Variants in RSAD1 observed in about 807,000 individuals in gnomAD.
RSAD1 encodes the protein radical S-adenosyl methionine domain-containing protein 1, mitochondrial.
A neutral mutation model predicts 46.2 loss-of-function variants in RSAD1; 34 were observed. That is an observed-to-expected ratio of 0.74 (90% CI 0.56 to 0.98). The LOEUF is 0.98. Among genes scored for constraint, RSAD1 ranks in the 50% least tolerant of loss-of-function variants. The pLI is 0.00. For synonymous variants in RSAD1, 260 were observed against 253.5 expected, an observed-to-expected ratio of 1.03 and a Z score of -0.24; for missense variants, 635 against 592.3, an observed-to-expected ratio of 1.07 and a Z score of -0.75.
At chr17:50,483,850 C>T (rs2033417139) in intron 7 of RSAD1, 90 bp downstream of exon 7, 16 of 1,248,424 alleles carry the variant, frequency 1.3e-5, no homozygotes, top group Middle Eastern at 5.0e-4. Context: ...CACACATATA[C>T]CTCCAATTTC....
At chr17:50,479,517 A>G (rs1161550650) in intron 1 of RSAD1, 112 bp from the exon 2 acceptor site, 3 of 1,355,426 alleles carry the variant, frequency 2.2e-6, no homozygotes, top group African/African-American at 3.0e-5. Flanking sequence ...TGTCCTAGCT[A>G]CTGTGGAAAG....
At position 50,479,015 on chromosome 17, in the gene RSAD1, T is replaced by C; in HGVS notation, c.131T>C (p.Val44Ala). Reference protein sequence around the residue: ...EPAGRRAALYVHWPYCEKRCS... With the variant: ...EPAGRRAALYAHWPYCEKRCS... Reference sequence around the variant, plus strand: ...GCGGGCCGGCGCGCGGCGCTTTACGTACACGTGAGTAGGGGCGGGGGCGGA... The same window carrying C: ...GCGGGCCGGCGCGCGGCGCTTTACGCACACGTGAGTAGGGGCGGGGGCGGA... Residue 44 changes from valine (V) to alanine (A), a missense_variant, in exon 1 of 9, where the codon GTA becomes GCA. By Grantham distance (64) the Val-to-Ala change is moderately conservative. Transcript: ENST00000258955. 4.4e-6 allele frequency: 6 copies of C among 1,355,534 alleles called. No homozygotes were observed. The highest frequency in any genetic ancestry group is 5.7e-6 in the Non-Finnish European group (6 of 1,060,872). 84.0% of individuals were successfully genotyped at this position (1,355,534 alleles called of 1,614,324 possible).
Position 50,482,139 on chromosome 17 carries a change from T to C in RSAD1, c.523T>C (p.Cys175Arg), listed in dbSNP as rs778879503. 6.3e-7 allele frequency: 1 copy of C among 1,590,596 alleles called. No individual in the cohort carries two copies. Among genetic ancestry groups the C allele is most frequent in the Non-Finnish European group, 8.6e-7 (1 of 1,165,526 alleles). Residue 175 changes from cysteine to arginine, a missense_variant, in exon 4 of 9, where the codon TGC becomes CGC. Transcript: ENST00000258955. ...LRLLGRTHSACDALRTLAEAR... is the reference protein window; with the variant it reads ...LRLLGRTHSARDALRTLAEAR... ...GCTGTTGGGACGGACGCACTCGGCCTGCGATGCTCTGCGGACGCTGGCAGA... is the reference window on the plus strand; with the variant it reads ...GCTGTTGGGACGGACGCACTCGGCCCGCGATGCTCTGCGGACGCTGGCAGA...
chr17:50,479,989 G>A lies in RSAD1; in HGVS notation c.379G>A (p.Glu127Lys), dbSNP rs1260889273. ...AQAAHLPADLEVTLEANPTSA... is the reference protein window; with the variant it reads ...AQAAHLPADLKVTLEANPTSA... Reference sequence around the variant, plus strand: ...GGCAGCCCACCTGCCTGCAGACTTGGAAGTCACATTGGAGGCTAATCCTAC... The same window carrying A: ...GGCAGCCCACCTGCCTGCAGACTTGAAAGTCACATTGGAGGCTAATCCTAC... Residue 127 changes from glutamate to lysine, a missense_variant, in exon 3 of 9, where the codon GAA (glutamate) becomes AAA (lysine). Glu to Lys is a moderately conservative substitution (Grantham distance 56, BLOSUM62 1). Coordinates refer to ENST00000258955, the MANE Select transcript of RSAD1 (RefSeq NM_018346.3). 6.2e-7 allele frequency: 1 copy of A among 1,614,192 alleles called. No homozygotes were observed.
At position 50,479,995 on chromosome 17, in the gene RSAD1, A is replaced by G; in HGVS notation, c.385A>G (p.Thr129Ala). 1 of 1,614,186 alleles carries G rather than the reference A, an allele frequency of 6.2e-7. No individual in the cohort carries two copies. Among genetic ancestry groups the G allele is most frequent in the African/African-American group, 1.3e-5 (1 of 75,054 alleles). The part of the protein sequence containing the change: ...AAHLPADLEV[T>A]LEANPTSAPG... ...CCACCTGCCTGCAGACTTGGAAGTCACATTGGAGGCTAATCCTACTTCAGC... is the reference window on the plus strand; with the variant it reads ...CCACCTGCCTGCAGACTTGGAAGTCGCATTGGAGGCTAATCCTACTTCAGC... The change falls in exon 3 of 9, where the codon ACA (threonine) becomes GCA (alanine). Residue 129 changes from threonine to alanine, a missense_variant. Physicochemically the swap from Thr to Ala is moderately conservative, Grantham distance 58. Transcript: ENST00000258955.
In RSAD1 at chr17:50,478,892, T is replaced by TC; in HGVS notation, c.12dup (p.Gly5ArgfsTer30). 1 of 1,308,362 alleles carries TC rather than the reference T, an allele frequency of 7.6e-7. No individual in the cohort carries two copies. Among genetic ancestry groups the TC allele is most frequent in the South Asian group, 2.3e-5 (1 of 42,726 alleles). 81.0% of individuals were successfully genotyped at this position (1,308,362 alleles called of 1,614,324 possible). ...CGCGCTGCGCTGGGCGCCATGGCGC[T>TC]CCCCGGAGCCCGGGCTCGCGGCTGG... On this transcript the variant is annotated frameshift_variant, in exon 1 of 9. Transcript: ENST00000258955. LOFTEE classifies it high-confidence loss of function.
rs1567869919 is a variant in RSAD1 at position 50,482,076 on chromosome 17, A to G, written c.475-15A>G. 1.3e-6 allele frequency: 2 copies of G among 1,525,554 alleles called. No homozygotes were observed. The highest frequency in any genetic ancestry group is 8.8e-7 in the Non-Finnish European group (1 of 1,135,090). 94.5% of individuals were successfully genotyped at this position (1,525,554 alleles called of 1,614,324 possible). On this transcript the variant is annotated splice_polypyrimidine_tract_variant and intron_variant, in intron 3 of 8. Coordinates refer to ENST00000258955, the MANE Select transcript of RSAD1 (RefSeq NM_018346.3). ...CTGAGCTGCTGGTATGCTTACACCC[A>G]CCCTCTTTTCCCAGTCCCTAGATGA... is the stretch of plus-strand genomic sequence containing the variant.
intron 7 of RSAD1, 37 bp from the exon 8 acceptor site, chr17:50,484,405 G>T: frequency 6.3e-7 from 1 of 1,595,382 alleles, no homozygotes; most frequent in Non-Finnish European, 8.6e-7. Context: ...AGAGTAGCCA[G>T]GCCAGCTCCC....
At chr17:50,480,141 C>T (rs776572390) in intron 3 of RSAD1, 57 bp downstream of exon 3, 2 of 1,558,424 alleles carry the variant, frequency 1.3e-6, no homozygotes, top group South Asian at 2.2e-5. Context: ...GCCATCTCCT[C>T]TTTGGTCACA....
At position 50,485,203 on chromosome 17, in the gene RSAD1, T is replaced by TA; in HGVS notation, c.*342_*343insA. 6.7e-6 allele frequency: 2 copies of TA among 296,788 alleles called. No individual in the cohort carries two copies. The highest frequency in any genetic ancestry group is 1.3e-5 in the Non-Finnish European group (2 of 157,992). The allele number at this position is 296,788 out of a possible 1,614,324, so 18.4% of individuals were successfully genotyped here. A position where few individuals can be genotyped will look rare whatever the true frequency, so the allele number is the denominator to read the frequency against. The stretch of plus-strand genomic sequence containing the variant: ...GGCAATTACCTCCCCAAGAGAAGCC[T>TA]TCCTTATTTTGGAGTAAGGTCCTAA... On this transcript the variant is annotated 3_prime_UTR_variant, in exon 9 of 9. Transcript: ENST00000258955.
At position 50,485,668 on chromosome 17, in the gene RSAD1, G is replaced by C. The variant is rs1288338839; in HGVS notation, c.*807G>C. ...GATGTATGTTGGTGGATCCATGTATGTGTCCAGCACAGCGGCCTGCTGGAC... is the reference window on the plus strand; with the variant it reads ...GATGTATGTTGGTGGATCCATGTATCTGTCCAGCACAGCGGCCTGCTGGAC... On this transcript the variant is annotated 3_prime_UTR_variant, in exon 9 of 9. Coordinates refer to ENST00000258955, the MANE Select transcript of RSAD1 (RefSeq NM_018346.3). The C allele has an allele frequency of 6.6e-6, 1 of 152,280 alleles. No homozygotes were observed. The highest frequency in any genetic ancestry group is 1.5e-5 in the Non-Finnish European group (1 of 68,080). 9.4% of individuals were successfully genotyped at this position (152,280 alleles called of 1,614,324 possible).
At position 50,485,320 on chromosome 17, in the gene RSAD1, A is replaced by G. The variant is rs2033440146; in HGVS notation, c.*459A>G. Reference sequence around the variant, plus strand: ...TACTATAGGAATGAAGTATTTATAAACCACTGAAAGGGATAGAGAAGTGAA... The same window carrying G: ...TACTATAGGAATGAAGTATTTATAAGCCACTGAAAGGGATAGAGAAGTGAA... On this transcript the variant is annotated 3_prime_UTR_variant, in exon 9 of 9. Transcript: ENST00000258955. The G allele has an allele frequency of 6.3e-6, 1 of 158,310 alleles. No individual in the cohort carries two copies. The highest frequency in any genetic ancestry group is 1.9e-4 in the South Asian group (1 of 5,176). The allele number at this position is 158,310 out of a possible 1,614,324, so 9.8% of individuals were successfully genotyped here.
In RSAD1 at chr17:50,479,624, C is replaced by T. The variant is rs1297455003; in HGVS notation, c.136-5C>T. ...TCACCGCGCACGTGCACTCACTGCC[C>T]CCAGTGGCCTTACTGCGAGAAGCGC... is the stretch of plus-strand genomic sequence containing the variant. On this transcript the variant is annotated splice_polypyrimidine_tract_variant and splice_region_variant and intron_variant, in intron 1 of 8. Coordinates refer to ENST00000258955, the MANE Select transcript of RSAD1 (RefSeq NM_018346.3). 2 of 1,613,488 alleles carry T rather than the reference C, an allele frequency of 1.2e-6. No individual in the cohort carries two copies. The highest frequency in any genetic ancestry group is 1.7e-5 in the Admixed American group (1 of 60,028).
chr17:50,480,176 T>C, intron 3 of RSAD1, 92 bp downstream of exon 3: 4 of 1,362,508 alleles, frequency 2.9e-6, no homozygotes, highest in Non-Finnish European at 3.1e-6. Flanking sequence ...AAACATTGAT[T>C]GAGCACCTTC....
intron 3 of RSAD1, among the ~76,000 whole-genome samples, chr17:50,481,827 C>T (rs574318995): frequency 3.3e-5 from 5 of 152,296 alleles, no homozygotes; most frequent in Non-Finnish European, 2.9e-5. Context: ...TACTTAACAC[C>T]TCTGAACCTC....
chr17:50,482,591 T>TAAAAATGAGCCTC, intron 4 of RSAD1, 52 bp from the exon 5 acceptor site: 1 of 1,613,492 alleles, frequency 6.2e-7, no homozygotes, highest in Non-Finnish European at 8.5e-7. Context: ...TACCTGAGTC[T>TAAAAATGAGCCTC]AAAAATGAGG....
chr17:50,479,900 G>A lies in RSAD1; in HGVS notation c.290G>A (p.Gly97Asp), dbSNP rs1193737623. 1 of 1,613,622 alleles carries A rather than the reference G, an allele frequency of 6.2e-7. No individual in the cohort carries two copies. The highest frequency in any genetic ancestry group is 8.5e-7 in the Non-Finnish European group (1 of 1,179,600). ...CCCAGGGTGGAGTCTGTGTTCTTTG[G>A]TGGGGGGACCCCCAGTCTAGCCAGT... ...GVQRVESVFF[G>D]GGTPSLASPH... is the part of the protein sequence containing the mutation. The change falls in exon 3 of 9, where the codon GGT becomes GAT. Residue 97 changes from glycine to aspartate, a missense_variant. Coordinates refer to ENST00000258955, the MANE Select transcript of RSAD1 (RefSeq NM_018346.3).
chr17:50,480,271 T>G (rs2033367370), intron 3 of RSAD1, 187 bp downstream of exon 3: 1 of 625,926 alleles, frequency 1.6e-6, no homozygotes, highest in African/African-American at 1.8e-5. Flanking sequence ...ACAGACTTTA[T>G]GAGAAAGGGA....
Position 50,479,227 on chromosome 17 carries a change from C to G in RSAD1, c.135+208C>G, listed in dbSNP as rs1467943412. On this transcript the variant is annotated intron_variant, in intron 1 of 8. Transcript: ENST00000258955. ...CTGAAGTCTCTGCTACTCACCGGCT[C>G]GGTGACTCTGACCAAATGGTTCAAA... 7.5e-6 allele frequency: 4 copies of G among 532,924 alleles called. No individual in the cohort carries two copies. The South Asian group carries it at 1.9e-4, about 25-fold the overall frequency. 33.0% of individuals were successfully genotyped at this position (532,924 alleles called of 1,614,324 possible).
Sources: allele counts gnomAD v4.1 joint callset (sites outside exome capture counted in the v4.1 genomes callset), GRCh38; gene constraint gnomAD v4.1.1; transcripts MANE v1.5; gene names NCBI Gene and HGNC (gene_info 2026-07-23, HGNC 2026-07-21).